Variants in SLC12A2 observed in about 807,000 individuals in gnomAD.
SLC12A2 encodes the protein solute carrier family 12 member 2, also known as Na-K-2Cl cotransporter 1.
SLC12A2 carries 67 observed loss-of-function variants against 136.3 expected under a neutral mutation model. That is an observed-to-expected ratio of 0.49 (90% CI 0.40 to 0.60). The LOEUF is 0.60. Ranked by LOEUF, SLC12A2 falls within the 20% of genes least tolerant of loss-of-function variation. SLC12A2 has a pLI of 0.00. For synonymous variants in SLC12A2, 619 were observed against 562.9 expected (o/e 1.10, Z -1.41); for missense variants, 1,322 against 1,534.7 (o/e 0.86, Z 2.32).
At chr5:128,110,006 G>C in intron 1 of SLC12A2, 1 of 1,063,424 alleles carries the variant, frequency 9.4e-7, no homozygotes, top group Admixed American at 1.7e-5. Context: ...ATCCAGAAAA[G>C]ATTGCAGTAG....
At chr5:128,131,040 T>G in intron 4 of SLC12A2, 27 bp from the exon 5 acceptor site, 1 of 1,608,910 alleles carries the variant, frequency 6.2e-7, no homozygotes, top group East Asian at 2.2e-5. Flanking sequence ...TAGTACCTGT[T>G]TTTTTTGTTT....
At chr5:128,172,999 ATTT>A (rs1763428682) in intron 19 of SLC12A2, among the ~76,000 whole-genome samples, 2 of 152,066 alleles carry the variant, frequency 1.3e-5, no homozygotes, top group Non-Finnish European at 2.9e-5. Context: ...AACTGTGAAG[ATTT>A]TTATATCCTT....
chr5:128,185,520 T>C (rs1364960131), intron 26 of SLC12A2, among the ~76,000 whole-genome samples: 2 of 146,214 alleles, frequency 1.4e-5, no homozygotes, highest in African/African-American at 5.3e-5. Flanking sequence ...TTTAACAACA[T>C]TCAATAAATC....
chr5:128,110,941 G>A lies in SLC12A2; in HGVS notation c.757-1873G>A, dbSNP rs1468591457. On this transcript the variant is annotated intron_variant, in intron 1 of 26. Transcript: ENST00000262461. The stretch of plus-strand genomic sequence containing the variant: ...CATGAAAAGGGTAGAACCACAGACT[G>A]AGAATGACCTCTTCCCTTGCACTTG... 3.6e-6 allele frequency: 3 copies of A among 843,234 alleles called. No homozygotes were observed. The East Asian group carries it at 7.3e-5, about 20-fold the overall frequency. 52.2% of individuals were successfully genotyped at this position (843,234 alleles called of 1,614,324 possible). A position where few individuals can be genotyped will look rare whatever the true frequency, so the allele number is the denominator to read the frequency against.
At position 128,174,595 on chromosome 5, in the gene SLC12A2, G is replaced by C. The variant is rs764813851; in HGVS notation, c.2858G>C (p.Ser953Thr). ...KSPGTKDVVV[S>T]VEYSKKSDLD... ...CCTGGCACCAAGGATGTGGTAGTAA[G>C]TGTGGAATATAGTAAAAAGTCCGAT... The change falls in exon 20 of 27, where the codon AGT (serine) becomes ACT (threonine). Residue 953 changes from serine to threonine, a missense_variant. Transcript: ENST00000262461. 1.2e-6 allele frequency: 2 copies of C among 1,609,528 alleles called. No homozygotes were observed. The highest frequency in any genetic ancestry group is 1.7e-6 in the Non-Finnish European group (2 of 1,177,122).
chr5:128,092,209 T>C (rs1760353018), intron 1 of SLC12A2, among the ~76,000 whole-genome samples: 1 of 152,218 alleles, frequency 6.6e-6, no homozygotes, highest in Non-Finnish European at 1.5e-5. Context: ...AATTATACGT[T>C]TGAAACACAT....
At chr5:128,135,055 G>C (rs1243322785) in intron 6 of SLC12A2, among the ~76,000 whole-genome samples, 3 of 152,006 alleles carry the variant, frequency 2.0e-5, no homozygotes, top group African/African-American at 7.2e-5. Context: ...TATACCACCT[G>C]GGACATGATT....
chr5:128,139,078 A>T (rs1762272422), intron 9 of SLC12A2, among the ~76,000 whole-genome samples, 170 bp downstream of exon 9: 1 of 152,130 alleles, frequency 6.6e-6, no homozygotes, highest in Non-Finnish European at 1.5e-5. Flanking sequence ...ACTAGTAATG[A>T]CTTCTATAGA....
chr5:128,172,856 C>T (rs1763420733), intron 19 of SLC12A2, among the ~76,000 whole-genome samples: 1 of 151,842 alleles, frequency 6.6e-6, no homozygotes, highest in Non-Finnish European at 1.5e-5. Context: ...GAAGCTGAGG[C>T]AGGAGAATTG....
Position 128,131,215 on chromosome 5 carries a change from C to T in SLC12A2, c.1188+9C>T. 6.2e-7 allele frequency: 1 copy of T among 1,613,618 alleles called. No homozygotes were observed. The highest frequency in any genetic ancestry group is 8.5e-7 in the Non-Finnish European group (1 of 1,179,620). ...TGGTGGAGTTGCTTAAGGTAATTCA[C>T]CTTCCTTCTAGTCATTCGTTTACCA... On this transcript the variant is annotated intron_variant, in intron 5 of 26. Coordinates refer to ENST00000262461, the MANE Select transcript of SLC12A2 (RefSeq NM_001046.3).
Position 128,101,036 on chromosome 5 carries a change from G to T in SLC12A2, c.757-11778G>T, listed in dbSNP as rs990532960. On this transcript the variant is annotated intron_variant, in intron 1 of 26. Transcript: ENST00000262461. ...GGTCACACCATCCACTTTTATCTGTGGCACTTGAGTTTTGAGCTTTGCATT... is the reference window on the plus strand; with the variant it reads ...GGTCACACCATCCACTTTTATCTGTTGCACTTGAGTTTTGAGCTTTGCATT... Among the ~76,000 whole-genome samples the T allele has an allele frequency of 2.0e-4, 30 of 152,068 alleles. 1 individual carries two copies. The highest frequency in any genetic ancestry group is 1.8e-3 in the Admixed American group (27 of 15,272).
chr5:128,094,832 C>G (rs1336329495), intron 1 of SLC12A2, among the ~76,000 whole-genome samples: 2 of 151,980 alleles, frequency 1.3e-5, no homozygotes, highest in African/African-American at 4.8e-5. Flanking sequence ...TTAAATTTAA[C>G]TTTAAATTAA....
chr5:128,108,722 A>G (rs1196886978), intron 1 of SLC12A2, among the ~76,000 whole-genome samples: 2 of 152,242 alleles, frequency 1.3e-5, no homozygotes, highest in African/African-American at 4.8e-5. Context: ...TAAGAGTACA[A>G]CTTTGTAGAT....
intron 9 of SLC12A2, among the ~76,000 whole-genome samples, chr5:128,141,534 G>T (rs955499073): frequency 2.6e-5 from 4 of 152,034 alleles, no homozygotes; most frequent in African/African-American, 9.7e-5. Context: ...AACCAAATAG[G>T]CTAGGAAATA....
At chr5:128,177,283 C>T in intron 21 of SLC12A2, 131 bp downstream of exon 21, 2 of 568,662 alleles carry the variant, frequency 3.5e-6, no homozygotes, top group South Asian at 2.8e-5. Context: ...TCTATAAATG[C>T]AGATTAGAAA....
Position 128,138,577 on chromosome 5 carries a change from G to A in SLC12A2, c.1409-20G>A, listed in dbSNP as rs763517255. ...TAATTTGCTCTCCATTAATTGTCAA[G>A]AATATTTTGTTCTCTGCAGCTGAAA... On this transcript the variant is annotated intron_variant, in intron 7 of 26. Coordinates refer to ENST00000262461, the MANE Select transcript of SLC12A2 (RefSeq NM_001046.3). 3 of 1,599,080 alleles carry A rather than the reference G, an allele frequency of 1.9e-6. No homozygotes were observed. In the South Asian group the frequency reaches 3.4e-5, roughly 18 times the overall value.
intron 7 of SLC12A2, among the ~76,000 whole-genome samples, chr5:128,136,458 A>G (rs1417720908): frequency 6.6e-6 from 1 of 151,982 alleles, no homozygotes; most frequent in Non-Finnish European, 1.5e-5. Context: ...TTTTCTTTGC[A>G]GTTAGTAAGT....
chr5:128,128,182 T>G (rs1761890351), intron 4 of SLC12A2, among the ~76,000 whole-genome samples: 1 of 152,130 alleles, frequency 6.6e-6, no homozygotes, highest in Non-Finnish European at 1.5e-5. Context: ...TTATTTCAGG[T>G]TTTTGAAATT....
chr5:128,177,343 TA>T (rs1025720187), intron 21 of SLC12A2, among the ~76,000 whole-genome samples, 191 bp downstream of exon 21: 27 of 152,252 alleles, frequency 1.8e-4, no homozygotes, highest in Non-Finnish European at 2.9e-4. Context: ...GAAATGGAGT[TA>T]TATCACAAAT....
Sources: gnomAD v4.1 joint callset for allele counts (sites outside exome capture counted in the v4.1 genomes callset) on GRCh38, gnomAD v4.1.1 for gene constraint, MANE v1.5 for transcripts, NCBI Gene and HGNC (gene_info 2026-07-23, HGNC 2026-07-21) for gene names.